MCTP1: variants seen among roughly 807,000 people sequenced by gnomAD.
MCTP1 encodes multiple C2 and transmembrane domain-containing protein 1.
In MCTP1, 69 loss-of-function variants were observed where a neutral mutation model predicts 120.6. The ratio of observed to expected loss-of-function variants is 0.57; its 90% CI spans 0.47 to 0.70. The LOEUF (loss-of-function observed/expected upper bound fraction) is 0.70, where lower values mean the gene tolerates loss of function less well. MCTP1 is among the 30% of genes least tolerant of loss of function. The pLI, the probability that MCTP1 is intolerant of heterozygous loss-of-function variation, is 0.00. For missense variants in MCTP1, 1,203 were observed against 1,248.8 expected (o/e 0.96, Z 0.55); for synonymous variants, 529 against 493.1 (o/e 1.07, Z -0.96).
chr5:95,275,781 C>T (rs1019351906), intron 1 of MCTP1, among the ~76,000 whole-genome samples: 3 of 152,082 alleles, frequency 2.0e-5, no homozygotes, highest in Non-Finnish European at 4.4e-5. Flanking sequence ...ATGCGGGTAG[C>T]AGTTGCCACA....
chr5:95,221,586 G>A (rs551596287), intron 1 of MCTP1, among the ~76,000 whole-genome samples: 5 of 152,172 alleles, frequency 3.3e-5, no homozygotes, highest in Non-Finnish European at 7.4e-5. Context: ...CCACTACCAT[G>A]CTTCTCTCTT....
chr5:94,904,528 G>T (rs17084234), intron 10 of MCTP1, among the ~76,000 whole-genome samples: 1 of 152,118 alleles, frequency 6.6e-6, no homozygotes. Flanking sequence ...AAAAGTTATA[G>T]TAAGTGTCTT....
chr5:94,803,011 T>C lies in MCTP1; in HGVS notation c.2437-3879A>G, dbSNP rs1164705389. On this transcript the variant is annotated intron_variant, in intron 17 of 22. Coordinates refer to ENST00000515393, the MANE Select transcript of MCTP1 (RefSeq NM_024717.7). ...TTTTTCCTCTCTCTCTGTCACATAA[T>C]CTCTTCACGTCTCCCCCATCTCTCC... Among the ~76,000 whole-genome samples the C allele has an allele frequency of 2.6e-5, 4 of 152,144 alleles. No homozygotes were observed. In the East Asian group the frequency reaches 5.8e-4, roughly 22 times the overall value.
intron 2 of MCTP1, among the ~76,000 whole-genome samples, chr5:94,981,899 G>A (rs559925675): frequency 2.0e-5 from 3 of 152,126 alleles, no homozygotes; most frequent in Non-Finnish European, 4.4e-5. Flanking sequence ...AAGGGTTTGG[G>A]GTTTTTCTTC....
At chr5:95,063,901 T>C (rs185409603) in intron 1 of MCTP1, among the ~76,000 whole-genome samples, 2 of 152,314 alleles carry the variant, frequency 1.3e-5, no homozygotes, top group African/African-American at 2.4e-5. Context: ...AGCCCAATTA[T>C]AACAAGTCAA....
intron 18 of MCTP1, among the ~76,000 whole-genome samples, chr5:94,796,497 A>G (rs1780032295): frequency 6.6e-6 from 1 of 150,438 alleles, no homozygotes; most frequent in African/African-American, 2.4e-5. Context: ...GCTATGCAGG[A>G]GAGTCAATGC....
chr5:94,932,055 G>GT lies in MCTP1; in HGVS notation c.1174-65dup, dbSNP rs889587496. The GT allele has an allele frequency of 2.7e-6, 3 of 1,129,524 alleles. No homozygotes were observed. The Admixed American group carries it at 5.9e-5, about 22-fold the overall frequency. The allele number at this position is 1,129,524 out of a possible 1,614,324, so 70.0% of individuals were successfully genotyped here. A position where few individuals can be genotyped will look rare whatever the true frequency, so the allele number is the denominator to read the frequency against. ...CAAGAACAGAATAGGGCAGCCAGTT[G>GT]TTTTTTAGCGGAAACATTTATTAGC... On this transcript the variant is annotated intron_variant, in intron 5 of 22. Transcript: ENST00000515393.
chr5:94,955,381 G>A (rs1176691596), intron 2 of MCTP1, among the ~76,000 whole-genome samples: 5 of 151,938 alleles, frequency 3.3e-5, no homozygotes, highest in Admixed American at 6.6e-5. Context: ...GTCTTTTTTC[G>A]TACCCCAGTG....
intron 1 of MCTP1, among the ~76,000 whole-genome samples, chr5:95,173,366 A>G (rs920472536): frequency 6.6e-6 from 1 of 152,200 alleles, no homozygotes; most frequent in Non-Finnish European, 1.5e-5. Flanking sequence ...TTTAGTCACT[A>G]CAAGTAAAAT....
chr5:94,987,147 G>A (rs910992901), intron 2 of MCTP1, among the ~76,000 whole-genome samples: 4 of 152,102 alleles, frequency 2.6e-5, no homozygotes, highest in Non-Finnish European at 5.9e-5. Flanking sequence ...TAGAATTGCA[G>A]ATGGGAAAGG....
At chr5:95,079,864 C>A (rs550521614) in intron 1 of MCTP1, among the ~76,000 whole-genome samples, 2 of 151,970 alleles carry the variant, frequency 1.3e-5, no homozygotes, top group Non-Finnish European at 2.9e-5. Flanking sequence ...GGTTTTAAAG[C>A]GAAGTTTTGT....
chr5:94,862,083 T>C (rs1561765801), intron 17 of MCTP1, among the ~76,000 whole-genome samples: 2 of 151,870 alleles, frequency 1.3e-5, no homozygotes, highest in Non-Finnish European at 2.9e-5. Context: ...CATAGCATAA[T>C]AGCACTATAC....
At chr5:95,282,173 T>C (rs1760374445) in intron 1 of MCTP1, among the ~76,000 whole-genome samples, 3 of 152,256 alleles carry the variant, frequency 2.0e-5, no homozygotes, top group East Asian at 1.9e-4. Context: ...AGAATAAGTT[T>C]ATATCTTTTG....
intron 1 of MCTP1, among the ~76,000 whole-genome samples, chr5:95,067,013 A>G (rs553391999): frequency 3.2e-4 from 49 of 151,944 alleles, no homozygotes; most frequent in Admixed American, 1.2e-3. Flanking sequence ...TCTCTCACTG[A>G]CCATTCACCT....
chr5:94,916,937 TAATAC>T (rs1231199339), intron 8 of MCTP1, among the ~76,000 whole-genome samples: 1 of 152,242 alleles, frequency 6.6e-6, no homozygotes, highest in Non-Finnish European at 1.5e-5. Context: ...TAATAACTAT[TAATAC>T]AATTGTAGAC....
chr5:95,042,827 AAAAGAC>A (rs1404409259), intron 1 of MCTP1, among the ~76,000 whole-genome samples: 7 of 152,202 alleles, frequency 4.6e-5, no homozygotes, highest in African/African-American at 1.7e-4. Context: ...CAAACTGTCT[AAAAGAC>A]ACTTAGTATT....
chr5:94,959,690 T>A (rs1403147252), intron 2 of MCTP1, among the ~76,000 whole-genome samples: 1 of 151,996 alleles, frequency 6.6e-6, no homozygotes, highest in African/African-American at 2.4e-5. Context: ...GAGAATACAA[T>A]ACCTAGGAAT....
At chr5:95,228,799 C>T (rs569298388) in intron 1 of MCTP1, among the ~76,000 whole-genome samples, 2 of 152,214 alleles carry the variant, frequency 1.3e-5, no homozygotes, top group South Asian at 2.1e-4. Context: ...AGCACCTCCC[C>T]GCAACTCTCT....
intron 19 of MCTP1, among the ~76,000 whole-genome samples, chr5:94,733,618 G>C (rs1003050527): frequency 6.6e-6 from 1 of 152,050 alleles, no homozygotes; most frequent in African/African-American, 2.4e-5. Context: ...TCCTGGATAT[G>C]TCTGTAGTCA....
Sources: allele counts gnomAD v4.1 joint callset (sites outside exome capture counted in the v4.1 genomes callset), GRCh38; gene constraint gnomAD v4.1.1; transcripts MANE v1.5; gene names NCBI Gene and HGNC (gene_info 2026-07-23, HGNC 2026-07-21).